Variants in NBEAL1 observed in about 807,000 individuals in gnomAD.
NBEAL1 encodes the protein neurobeachin like 1, also known as neurobeachin-like protein 1.
Under a neutral mutation model 351.3 loss-of-function variants are expected in NBEAL1, and 273 were observed. The observed-to-expected ratio is 0.78, with a 90% CI of 0.70 to 0.86. The LOEUF is 0.86. NBEAL1 is among the 40% of genes least tolerant of loss of function. The pLI is 0.00. For synonymous variants in NBEAL1, 1,050 were observed against 1,086.4 expected (o/e 0.97, Z 0.66); for missense variants, 2,961 against 3,201.3 (o/e 0.92, Z 1.81).
chr2:203,034,136 A>C (rs2060999025), intron 2 of NBEAL1, among the ~76,000 whole-genome samples: 1 of 149,420 alleles, frequency 6.7e-6, no homozygotes, highest in Admixed American at 6.6e-5. Context: ...CATGGTCCCT[A>C]GTTCGTACAT....
rs1487821540 is a variant in NBEAL1 at position 203,217,735 on chromosome 2, T to C, written c.*381T>C. ...ATACATTCTTAAGTAATCATTTTCC[T>C]ATTTACTGACCACTGTAATGAAAAT... On this transcript the variant is annotated 3_prime_UTR_variant, in exon 56 of 56. Coordinates refer to ENST00000683969, the MANE Select transcript of NBEAL1 (RefSeq NM_001378026.1). 1 of 970,696 alleles carries C rather than the reference T, an allele frequency of 1.0e-6. No homozygotes were observed. Among genetic ancestry groups the C allele is most frequent in the Non-Finnish European group, 1.2e-6 (1 of 816,360 alleles). The allele number at this position is 970,696 out of a possible 1,614,324, so 60.1% of individuals were successfully genotyped here.
At chr2:203,099,977 A>T (rs542609500) in intron 12 of NBEAL1, among the ~76,000 whole-genome samples, 1 of 152,204 alleles carries the variant, frequency 6.6e-6, no homozygotes, top group South Asian at 2.1e-4. Flanking sequence ...GCTCCCACTT[A>T]TATGTAAAAA....
chr2:203,114,161 C>A (rs757257873), intron 17 of NBEAL1, among the ~76,000 whole-genome samples: 3 of 152,078 alleles, frequency 2.0e-5, no homozygotes, highest in African/African-American at 4.8e-5. Flanking sequence ...TCTCAGACTA[C>A]GGCCCCATCC....
chr2:203,127,127 A>G (rs1678096089), intron 23 of NBEAL1, among the ~76,000 whole-genome samples: 2 of 152,164 alleles, frequency 1.3e-5, no homozygotes, highest in South Asian at 2.1e-4. Flanking sequence ...TAATTGTGCA[A>G]CTGTAGGCAA....
In NBEAL1 at chr2:203,222,185, T is replaced by A. The variant is rs2065960644; in HGVS notation, c.*4831T>A. Among the ~76,000 whole-genome samples, 1 of 152,194 alleles carries A rather than the reference T, an allele frequency of 6.6e-6. No individual in the cohort carries two copies. The highest frequency in any genetic ancestry group is 2.1e-4 in the South Asian group (1 of 4,826). On this transcript the variant is annotated 3_prime_UTR_variant, in exon 56 of 56. Coordinates refer to ENST00000683969, the MANE Select transcript of NBEAL1 (RefSeq NM_001378026.1). ...CTAGGTGGCAGAGTTAGACCCTGTC[T>A]CCAAAAATACATTTTTTTAAATTTA...
At chr2:203,191,647 G>T (rs982773917) in intron 46 of NBEAL1, among the ~76,000 whole-genome samples, 1 of 152,002 alleles carries the variant, frequency 6.6e-6, no homozygotes, top group Middle Eastern at 3.2e-3. Context: ...TCATTTTTTA[G>T]GAGTTAAAGC....
intron 31 of NBEAL1, among the ~76,000 whole-genome samples, chr2:203,142,464 A>C (rs2063406257): frequency 6.6e-6 from 1 of 152,140 alleles, no homozygotes; most frequent in African/African-American, 2.4e-5. Context: ...CCTGGGCATC[A>C]GTATTTTTTG....
chr2:203,154,206 A>T (rs1297958693), intron 35 of NBEAL1, among the ~76,000 whole-genome samples: 1 of 151,232 alleles, frequency 6.6e-6, no homozygotes, highest in African/African-American at 2.4e-5. Flanking sequence ...ACTGCACTCC[A>T]GCCTGGGCGA....
chr2:203,127,730 G>A (rs2062974082), intron 23 of NBEAL1, 51 bp from the exon 24 acceptor site: 3 of 1,257,834 alleles, frequency 2.4e-6, no homozygotes, highest in Non-Finnish European at 3.3e-6. Flanking sequence ...TCAGAAAAAA[G>A]GAAATGTAAA....
chr2:203,020,381 T>G (rs1374387143), intron 2 of NBEAL1, among the ~76,000 whole-genome samples: 1 of 152,158 alleles, frequency 6.6e-6, no homozygotes, highest in Non-Finnish European at 1.5e-5. Context: ...TAATTCAAGT[T>G]GTATAGTCTG....
In NBEAL1 at chr2:203,149,119, T is replaced by C; in HGVS notation, c.5433T>C (p.Leu1811=). The C allele has an allele frequency of 6.2e-7, 1 of 1,603,616 alleles. No individual in the cohort carries two copies. The highest frequency in any genetic ancestry group is 8.5e-7 in the Non-Finnish European group (1 of 1,174,136). ...GCTGGAAAGCAATACAGCTCTATCTTACATGTGAAAGGGGACCTTGGGCTA... is the reference window on the plus strand; with the variant it reads ...GCTGGAAAGCAATACAGCTCTATCTCACATGTGAAAGGGGACCTTGGGCTA... ...LRRWKAIQLY[L]TCERGPWAKR... The change falls in exon 34 of 56, where the codon CTT becomes CTC. Residue 1811 remains leucine, a synonymous_variant. Transcript: ENST00000683969.
chr2:203,056,724 C>T (rs576643483), intron 5 of NBEAL1, among the ~76,000 whole-genome samples: 1 of 152,210 alleles, frequency 6.6e-6, no homozygotes, highest in East Asian at 1.9e-4. Flanking sequence ...TGTGCCACCA[C>T]GCCCGGCTAA....
chr2:203,157,562 CA>C, intron 35 of NBEAL1, 136 bp from the exon 36 acceptor site: 1 of 523,096 alleles, frequency 1.9e-6, no homozygotes, highest in East Asian at 3.5e-5. Flanking sequence ...TACTCTAAAT[CA>C]AAGTACCGTC....
intron 42 of NBEAL1, among the ~76,000 whole-genome samples, 153 bp downstream of exon 42, chr2:203,175,440 C>T (rs2064471049): frequency 6.6e-6 from 1 of 152,192 alleles, no homozygotes; most frequent in Non-Finnish European, 1.5e-5. Context: ...ATGAGTCACT[C>T]AAACTGTCTC....
At chr2:203,176,199 A>T (rs1268721021) in intron 42 of NBEAL1, among the ~76,000 whole-genome samples, 2 of 137,884 alleles carry the variant, frequency 1.5e-5, no homozygotes, top group East Asian at 2.3e-4. Flanking sequence ...TTTGAGACAG[A>T]GTCTCACTCC....
chr2:203,098,702 C>T (rs1296660171), intron 11 of NBEAL1, among the ~76,000 whole-genome samples: 1 of 152,030 alleles, frequency 6.6e-6, no homozygotes, highest in Non-Finnish European at 1.5e-5. Flanking sequence ...TTTTTTCATA[C>T]AACTTTTAGG....
At chr2:203,149,232 C>T (rs1415247779) in intron 34 of NBEAL1, 84 bp downstream of exon 34, 6 of 912,250 alleles carry the variant, frequency 6.6e-6, no homozygotes, top group Non-Finnish European at 9.5e-6. Context: ...CCCTTTCACT[C>T]CAATTTCTTA....
At position 203,108,693 on chromosome 2, in the gene NBEAL1, G is replaced by A. The variant is rs182388877; in HGVS notation, c.1949+505G>A. On this transcript the variant is annotated intron_variant, in intron 14 of 55. Coordinates refer to ENST00000683969, the MANE Select transcript of NBEAL1 (RefSeq NM_001378026.1). Reference sequence around the variant, plus strand: ...GCTGGGATTACAGACTTGAGCCACCGCACCCAGCCACAAGTTTCCTTCTTA... The same window carrying A: ...GCTGGGATTACAGACTTGAGCCACCACACCCAGCCACAAGTTTCCTTCTTA... Among the ~76,000 whole-genome samples the A allele has an allele frequency of 3.4e-3, 514 of 151,984 alleles. 4 individuals are homozygous for A. Among genetic ancestry groups the A allele is most frequent in the African/African-American group, 0.012 (480 of 41,444 alleles).
At chr2:203,199,974 G>A (rs1266598145) in intron 49 of NBEAL1, among the ~76,000 whole-genome samples, 1 of 152,138 alleles carries the variant, frequency 6.6e-6, no homozygotes, top group Non-Finnish European at 1.5e-5. Context: ...ACTTTATTAT[G>A]TAAAAATAAG....
Sources: allele counts gnomAD v4.1 joint callset (sites outside exome capture counted in the v4.1 genomes callset), GRCh38; gene constraint gnomAD v4.1.1; transcripts MANE v1.5; gene names NCBI Gene and HGNC (gene_info 2026-07-23, HGNC 2026-07-21).